The following CSMD1 variants were observed in gnomAD, a reference collection of about 807,000 sequenced individuals.
The protein encoded by CSMD1 is CUB and Sushi multiple domains 1.
In CSMD1, 213 loss-of-function variants were observed where a neutral mutation model predicts 417.5. The ratio of observed to expected loss-of-function variants is 0.51; its 90% CI spans 0.46 to 0.57. The LOEUF (loss-of-function observed/expected upper bound fraction) is 0.57. Among genes scored for constraint, CSMD1 ranks in the 20% least tolerant of loss-of-function variants. The pLI is 0.00. For synonymous variants in CSMD1, 2,862 were observed against 1,736.8 expected (o/e 1.65, Z -16.11); for missense variants, 6,923 against 4,529.7 (o/e 1.53, Z -15.17).
intron 18 of CSMD1, among the ~76,000 whole-genome samples, chr8:3,379,675 T>C (rs1005099542): frequency 6.6e-6 from 1 of 152,180 alleles, no homozygotes; most frequent in African/African-American, 2.4e-5. Flanking sequence ...TAAATGGTGT[T>C]GGGAAAACTG....
chr8:3,751,374 T>A (rs898597783), intron 6 of CSMD1, among the ~76,000 whole-genome samples: 1 of 144,428 alleles, frequency 6.9e-6, no homozygotes, highest in South Asian at 2.1e-4. Context: ...ATATATAAAT[T>A]ATTTATATAT....
chr8:3,684,065 T>C (rs558113905), intron 7 of CSMD1, among the ~76,000 whole-genome samples: 2 of 148,874 alleles, frequency 1.3e-5, no homozygotes, highest in Non-Finnish European at 3.0e-5. Flanking sequence ...TGATAGTTAC[T>C]CTAAACATGA....
At chr8:4,771,253 A>G (rs1020975288) in intron 1 of CSMD1, among the ~76,000 whole-genome samples, 1 of 152,238 alleles carries the variant, frequency 6.6e-6, no homozygotes, top group Non-Finnish European at 1.5e-5. Context: ...GTCAGTCTAC[A>G]TTCTGTAATT....
rs555294163 is a variant in CSMD1 at position 3,605,287 on chromosome 8, G to A, written c.1097+11423C>T. On this transcript the variant is annotated intron_variant, in intron 8 of 69. Coordinates refer to ENST00000635120, the MANE Select transcript of CSMD1 (RefSeq NM_033225.6). ...TTACAGGCGTGCGCCATCGCGCCCAGATGAAAGCAATTCTTACTGAAAAGA... is the reference window on the plus strand; with the variant it reads ...TTACAGGCGTGCGCCATCGCGCCCAAATGAAAGCAATTCTTACTGAAAAGA... Among the ~76,000 whole-genome samples the A allele has an allele frequency of 4.6e-5, 7 of 152,306 alleles. No individual in the cohort carries two copies. In the South Asian group the frequency reaches 1.4e-3, roughly 32 times the overall value.
intron 2 of CSMD1, among the ~76,000 whole-genome samples, chr8:4,514,844 G>A (rs1032772789): frequency 6.6e-6 from 1 of 152,156 alleles, no homozygotes; most frequent in African/African-American, 2.4e-5. Context: ...TGTACAGGTA[G>A]AGAAAGTCTA....
chr8:3,142,541 G>C lies in CSMD1; in HGVS notation c.6165C>G (p.Ser2055Arg). 1 of 1,613,994 alleles carries C rather than the reference G, an allele frequency of 6.2e-7. No individual in the cohort carries two copies. The highest frequency in any genetic ancestry group is 8.5e-7 in the Non-Finnish European group (1 of 1,179,894). ...AGTGGATGAGGGTTTCATGCGTTGT[G>C]CTCAGCAGGGCCGCGGGGAGATCCG... ...SGTDLPAALL[S>R]TTHETLIHFY... The change falls in exon 41 of 70, where the codon AGC becomes AGG. Residue 2055 changes from serine to arginine, a missense_variant. Coordinates refer to ENST00000635120, the MANE Select transcript of CSMD1 (RefSeq NM_033225.6).
intron 11 of CSMD1, among the ~76,000 whole-genome samples, chr8:3,493,414 A>G (rs958122158): frequency 6.6e-6 from 1 of 152,194 alleles, no homozygotes; most frequent in Non-Finnish European, 1.5e-5. Flanking sequence ...TAATTGAAGA[A>G]AAACAGTCGA....
At chr8:4,894,385 TTC>T (rs1052264348) in intron 1 of CSMD1, among the ~76,000 whole-genome samples, 1 of 151,976 alleles carries the variant, frequency 6.6e-6, no homozygotes, top group African/African-American at 2.4e-5. Context: ...TACTTTCATA[TTC>T]TCTCTTTCAC....
intron 2 of CSMD1, among the ~76,000 whole-genome samples, chr8:4,573,905 C>T (rs557496357): frequency 2.6e-5 from 4 of 152,146 alleles, no homozygotes; most frequent in Non-Finnish European, 1.5e-5. Context: ...AACTTCCTGG[C>T]AGCTATGTTT....
At chr8:3,691,712 A>G (rs989976525) in intron 7 of CSMD1, among the ~76,000 whole-genome samples, 2 of 152,318 alleles carry the variant, frequency 1.3e-5, no homozygotes, top group South Asian at 4.1e-4. Context: ...AAAACCCTAT[A>G]AGGTAAATAT....
At chr8:3,370,317 C>T (rs967350916) in intron 18 of CSMD1, among the ~76,000 whole-genome samples, 11 of 152,270 alleles carry the variant, frequency 7.2e-5, no homozygotes, top group East Asian at 1.9e-4. Context: ...TCACCAGAGC[C>T]GGAGGGTAGA....
chr8:3,705,825 G>C (rs1055627105), intron 7 of CSMD1, among the ~76,000 whole-genome samples: 3 of 152,182 alleles, frequency 2.0e-5, no homozygotes, highest in East Asian at 1.9e-4. Flanking sequence ...GAAGTGGAGA[G>C]ACTCAAGTTA....
chr8:4,852,200 T>A (rs547502816), intron 1 of CSMD1, among the ~76,000 whole-genome samples: 1 of 152,218 alleles, frequency 6.6e-6, no homozygotes. Flanking sequence ...AACATACTTA[T>A]ATGGTTTGGA....
intron 4 of CSMD1, among the ~76,000 whole-genome samples, chr8:4,024,897 T>A (rs763524301): frequency 3.9e-5 from 6 of 152,016 alleles, no homozygotes; most frequent in Non-Finnish European, 8.8e-5. Context: ...TGTTCCATCA[T>A]AGAATAAATG....
chr8:3,882,987 G>GCACTCTCA (rs1347600719), intron 5 of CSMD1, among the ~76,000 whole-genome samples: 1 of 152,090 alleles, frequency 6.6e-6, no homozygotes, highest in Non-Finnish European at 1.5e-5. Flanking sequence ...CTCAATAGCT[G>GCACTCTCA]ATATGTGCAC....
Position 3,359,189 on chromosome 8 carries a change from G to A in CSMD1, c.3267C>T (p.Gly1089=), listed in dbSNP as rs1808993699. ...GATKLTCLGG[G]RRVWSAPLPR... ...GCAGAGGTGCACTCCACACACGGCG[G>A]CCCCCACCCAGGCAGGTAAGCTTGG... The change falls in exon 21 of 70, where the codon GGC becomes GGT. Residue 1089 remains glycine (G), a synonymous_variant. Coordinates refer to ENST00000635120, the MANE Select transcript of CSMD1 (RefSeq NM_033225.6). The A allele has an allele frequency of 1.2e-6, 2 of 1,613,922 alleles. No individual in the cohort carries two copies. Among genetic ancestry groups the A allele is most frequent in the Non-Finnish European group, 1.7e-6 (2 of 1,179,916 alleles).
chr8:4,116,811 T>A (rs1802178112), intron 3 of CSMD1, among the ~76,000 whole-genome samples: 1 of 139,162 alleles, frequency 7.2e-6, no homozygotes, highest in African/African-American at 2.6e-5. Flanking sequence ...AAAACTACTC[T>A]AAAAAATAGG....
intron 51 of CSMD1, among the ~76,000 whole-genome samples, chr8:3,024,570 GTGT>G (rs1339236849): frequency 6.6e-6 from 1 of 152,178 alleles, no homozygotes; most frequent in Non-Finnish European, 1.5e-5. Flanking sequence ...GCCTCCCAAA[GTGT>G]TGTGATTATA....
intron 65 of CSMD1, among the ~76,000 whole-genome samples, chr8:2,951,815 G>T (rs1585042506): frequency 6.6e-6 from 1 of 152,132 alleles, no homozygotes. Context: ...TCTTTATTTT[G>T]TAAGTAGAGT....
Sources: allele counts gnomAD v4.1 joint callset (sites outside exome capture counted in the v4.1 genomes callset), GRCh38; gene constraint gnomAD v4.1.1; transcripts MANE v1.5; gene names NCBI Gene and HGNC (gene_info 2026-07-23, HGNC 2026-07-21).